Variants in CCSER1 observed in about 807,000 individuals in gnomAD.
CCSER1 encodes the protein serine-rich coiled-coil domain-containing protein 1.
In CCSER1, 41 loss-of-function variants were observed where a neutral mutation model predicts 82.0. The ratio of observed to expected loss-of-function variants is 0.50; its 90% CI spans 0.39 to 0.65. CCSER1 has a LOEUF of 0.65. Among genes scored for constraint, CCSER1 ranks in the 30% least tolerant of loss-of-function variants. CCSER1 has a pLI of 0.00. For synonymous variants in CCSER1, 414 were observed against 383.9 expected (o/e 1.08, Z -0.92); for missense variants, 1,119 against 1,064.2 (o/e 1.05, Z -0.72).
intron 4 of CCSER1, among the ~76,000 whole-genome samples, chr4:90,442,456 A>G (rs528767287): frequency 6.6e-6 from 1 of 151,882 alleles, no homozygotes; most frequent in East Asian, 1.9e-4. Flanking sequence ...GGAAAACTCT[A>G]GTTCCACAGA....
At chr4:90,363,629 A>G (rs12641112) in intron 3 of CCSER1, among the ~76,000 whole-genome samples, 15,165 of 152,146 alleles carry the variant, frequency 0.1, 1,303 homozygotes, top group East Asian at 0.32. Flanking sequence ...TCTTAAGATT[A>G]TTTAATAACA....
At chr4:91,382,541 C>T (rs1750985448) in intron 10 of CCSER1, among the ~76,000 whole-genome samples, 1 of 152,172 alleles carries the variant, frequency 6.6e-6, no homozygotes, top group South Asian at 2.1e-4. Flanking sequence ...GTGCCATTTG[C>T]TAAGACCATT....
intron 10 of CCSER1, among the ~76,000 whole-genome samples, chr4:91,163,246 T>G (rs892288446): frequency 6.6e-6 from 1 of 152,210 alleles, no homozygotes; most frequent in Admixed American, 6.5e-5. Context: ...TGGTTTTGAG[T>G]GAGTTTCTTA....
intron 9 of CCSER1, among the ~76,000 whole-genome samples, chr4:90,947,473 T>C (rs7679165): frequency 0.068 from 10,286 of 152,234 alleles, 493 homozygotes; most frequent in East Asian, 0.21. Context: ...TCTCCAGCTA[T>C]GTTTCAGCAG....
intron 5 of CCSER1, among the ~76,000 whole-genome samples, chr4:90,599,638 G>C (rs1392791536): frequency 1.3e-5 from 2 of 152,120 alleles, no homozygotes; most frequent in Admixed American, 1.3e-4. Flanking sequence ...CAGAGGCAAT[G>C]TGTTTTCTTC....
chr4:91,149,356 T>A (rs2148948304), intron 10 of CCSER1, among the ~76,000 whole-genome samples: 1 of 152,340 alleles, frequency 6.6e-6, no homozygotes, highest in African/African-American at 2.4e-5. Flanking sequence ...TTGTTTAAGT[T>A]CTTTGTAGAT....
At chr4:90,576,026 G>T (rs1047092733) in intron 5 of CCSER1, among the ~76,000 whole-genome samples, 4 of 151,306 alleles carry the variant, frequency 2.6e-5, no homozygotes, top group African/African-American at 7.3e-5. Context: ...TTGTTGTATT[G>T]TTTCTCAGAT....
chr4:90,489,237 G>T (rs1305764474), intron 5 of CCSER1, among the ~76,000 whole-genome samples: 1 of 152,122 alleles, frequency 6.6e-6, no homozygotes, highest in Admixed American at 6.6e-5. Context: ...AAGATGAAGA[G>T]AAAATATTTC....
At chr4:90,600,880 A>C (rs566279592) in intron 5 of CCSER1, among the ~76,000 whole-genome samples, 19 of 151,814 alleles carry the variant, frequency 1.3e-4, no homozygotes, top group African/African-American at 4.6e-4. Context: ...TTATATAAGC[A>C]ATATTTTTTA....
At chr4:91,118,619 A>T (rs1442414239) in intron 10 of CCSER1, among the ~76,000 whole-genome samples, 8 of 152,156 alleles carry the variant, frequency 5.3e-5, no homozygotes, top group African/African-American at 1.9e-4. Flanking sequence ...ACTTCATAGG[A>T]AATTAAAACA....
chr4:91,081,679 A>C (rs1356637316), intron 9 of CCSER1, among the ~76,000 whole-genome samples: 1 of 152,164 alleles, frequency 6.6e-6, no homozygotes, highest in Admixed American at 6.5e-5. Context: ...ATCTGAGCCC[A>C]AAATCTCCTT....
intron 6 of CCSER1, among the ~76,000 whole-genome samples, chr4:90,637,265 G>A (rs1308691575): frequency 6.6e-6 from 1 of 152,124 alleles, no homozygotes; most frequent in Non-Finnish European, 1.5e-5. Context: ...TGCTCAAGAG[G>A]CCTCAGTTCC....
At chr4:90,192,110 A>G (rs1735740432) in intron 1 of CCSER1, among the ~76,000 whole-genome samples, 1 of 152,022 alleles carries the variant, frequency 6.6e-6, no homozygotes, top group South Asian at 2.1e-4. Context: ...GTTTAATTGG[A>G]CTTATGGTTC....
chr4:91,013,886 G>T (rs1304907371), intron 9 of CCSER1, among the ~76,000 whole-genome samples: 2 of 130,674 alleles, frequency 1.5e-5, no homozygotes, highest in Non-Finnish European at 3.5e-5. Context: ...CTCCCAAAGT[G>T]CTGGGATTAC....
intron 6 of CCSER1, among the ~76,000 whole-genome samples, chr4:90,703,442 A>G (rs1158014564): frequency 6.6e-6 from 1 of 152,146 alleles, no homozygotes; most frequent in Non-Finnish European, 1.5e-5. Context: ...AGAATAATGT[A>G]TATTCTGTTG....
chr4:91,165,749 A>G (rs1306878221), intron 10 of CCSER1, among the ~76,000 whole-genome samples: 1 of 152,272 alleles, frequency 6.6e-6, no homozygotes, highest in African/African-American at 2.4e-5. Flanking sequence ...GGCGTGGGAT[A>G]TAATCTCCTG....
chr4:90,500,341 T>G (rs1189941615), intron 5 of CCSER1, among the ~76,000 whole-genome samples: 1 of 134,188 alleles, frequency 7.5e-6, no homozygotes, highest in Non-Finnish European at 1.6e-5. Context: ...TTGATCCACA[T>G]TTTTTTTTTT....
intron 1 of CCSER1, among the ~76,000 whole-genome samples, chr4:90,179,830 G>A (rs1733387436): frequency 2.0e-5 from 3 of 151,578 alleles, no homozygotes; most frequent in Admixed American, 2.0e-4. Context: ...TTTCTAGCTG[G>A]TGTAATTACA....
chr4:91,524,088 G>A (rs533739183), intron 10 of CCSER1, among the ~76,000 whole-genome samples: 19 of 152,296 alleles, frequency 1.2e-4, no homozygotes, highest in African/African-American at 4.6e-4. Context: ...AACAGGACAT[G>A]TGAAATAACT....
Sources: allele counts gnomAD v4.1 joint callset (sites outside exome capture counted in the v4.1 genomes callset), GRCh38; gene constraint gnomAD v4.1.1; transcripts MANE v1.5; gene names NCBI Gene and HGNC (gene_info 2026-07-23, HGNC 2026-07-21).